Variants in UBR1 observed in about 807,000 individuals in gnomAD.
UBR1 encodes the protein E3 ubiquitin-protein ligase UBR1.
Under a neutral mutation model 242.1 loss-of-function variants are expected in UBR1, and 102 were observed. The ratio of observed to expected loss-of-function variants is 0.42; its 90% CI spans 0.36 to 0.50. The LOEUF is 0.50. Among genes scored for constraint, UBR1 ranks in the 20% least tolerant of loss-of-function variants. The pLI is 0.01. For missense variants in UBR1, 1,772 were observed against 2,101.8 expected (o/e 0.84, Z 3.07); for synonymous variants, 675 against 684.8 (o/e 0.99, Z 0.22).
intron 42 of UBR1, among the ~76,000 whole-genome samples, chr15:42,963,570 C>T (rs546042592): frequency 1.3e-5 from 2 of 152,030 alleles, no homozygotes; most frequent in Non-Finnish European, 2.9e-5. Flanking sequence ...CTGATACATG[C>T]GCTACCATGT....
chr15:43,096,510 A>G (rs1164994129), intron 1 of UBR1, among the ~76,000 whole-genome samples: 1 of 152,060 alleles, frequency 6.6e-6, no homozygotes, highest in East Asian at 1.9e-4. Context: ...ACATTGATTG[A>G]CCTTTTCACA....
Position 43,059,603 on chromosome 15 carries a change from A to C in UBR1, c.985+99T>G, listed in dbSNP as rs989878754. The stretch of plus-strand genomic sequence containing the variant: ...GTGTATAAACCAAAAAAAAAAAAAA[A>C]AGAAAAACTTTATTTCATACTCAAT... On this transcript the variant is annotated intron_variant, in intron 8 of 46. Transcript: ENST00000290650. 168 of 1,164,994 alleles carry C rather than the reference A, an allele frequency of 1.4e-4. No homozygotes were observed. In the Middle Eastern group the frequency reaches 1.5e-3, roughly 11 times the overall value. 72.2% of individuals were successfully genotyped at this position (1,164,994 alleles called of 1,614,324 possible). A position where few individuals can be genotyped will look rare whatever the true frequency, so the allele number is the denominator to read the frequency against.
chr15:43,061,578 C>A (rs937896542), intron 6 of UBR1, among the ~76,000 whole-genome samples: 3 of 151,940 alleles, frequency 2.0e-5, no homozygotes, highest in African/African-American at 7.3e-5. Flanking sequence ...TATATACACA[C>A]ACACATATAT....
At chr15:42,951,688 G>A (rs1013080987) in intron 45 of UBR1, among the ~76,000 whole-genome samples, 1 of 152,076 alleles carries the variant, frequency 6.6e-6, no homozygotes, top group African/African-American at 2.4e-5. Flanking sequence ...GAATGCAATG[G>A]CACGATCATG....
intron 25 of UBR1, among the ~76,000 whole-genome samples, chr15:43,023,428 C>T (rs1212726820): frequency 6.6e-6 from 1 of 151,430 alleles, no homozygotes; most frequent in Non-Finnish European, 1.5e-5. Context: ...CTTGTCTCTA[C>T]TAAAAATACA....
chr15:43,026,682 CA>C lies in UBR1; in HGVS notation c.2433-20del, dbSNP rs2033182182. The C allele has an allele frequency of 4.4e-6, 7 of 1,576,024 alleles. No homozygotes were observed. The highest frequency in any genetic ancestry group is 5.2e-6 in the Non-Finnish European group (6 of 1,147,182). ...TGGTTTCCTAAATAGATGGAAAATACAAGATGAACTGCAGTGTTCTTGAAGT... is the reference window on the plus strand; with the variant it reads ...TGGTTTCCTAAATAGATGGAAAATACAGATGAACTGCAGTGTTCTTGAAGT... On this transcript the variant is annotated intron_variant, in intron 22 of 46. Transcript: ENST00000290650.
chr15:43,003,895 C>T lies in UBR1; in HGVS notation c.3451G>A (p.Ala1151Thr). ...CAGCTTCCTGTATAAGTTCCATATG[C>T]CAAGTCTGGATCCATGAAAAGTGGG... is the stretch of plus-strand genomic sequence containing the variant. ...LDPLFMDPDL[A>T]YGTYTGSCGH... The change falls in exon 31 of 47, where the codon GCA becomes ACA. Residue 1151 changes from alanine (A) to threonine (T), a missense_variant. Physicochemically the swap from Ala to Thr is moderately conservative, Grantham distance 58 (BLOSUM62 0). This residue lies in a region of UBR1 where 965 missense variants were observed against 1,079.7 expected (regional missense o/e 0.89). Coordinates refer to ENST00000290650, the MANE Select transcript of UBR1 (RefSeq NM_174916.3). 2 of 1,614,066 alleles carry T rather than the reference C, an allele frequency of 1.2e-6. No individual in the cohort carries two copies. The highest frequency in any genetic ancestry group is 1.1e-5 in the South Asian group (1 of 91,076).
intron 31 of UBR1, chr15:43,003,467 G>A (rs1176715074): frequency 6.3e-6 from 2 of 319,924 alleles, no homozygotes; most frequent in Admixed American, 8.8e-5. Context: ...CGTTGGCCAG[G>A]CTGGTCTCAA....
At position 43,062,668 on chromosome 15, in the gene UBR1, G is replaced by A. The variant is rs1164360535; in HGVS notation, c.799-2554C>T. Among the ~76,000 whole-genome samples, 4 of 152,268 alleles carry A rather than the reference G, an allele frequency of 2.6e-5. No individual in the cohort carries two copies. The East Asian group carries it at 7.7e-4, about 29-fold the overall frequency. ...ACTCTGTTGTTCAGGCTGGAAGGCA[G>A]CGGTGTGATCAAAGCTCACTACAGC... is the stretch of plus-strand genomic sequence containing the variant. On this transcript the variant is annotated intron_variant, in intron 6 of 46. Coordinates refer to ENST00000290650, the MANE Select transcript of UBR1 (RefSeq NM_174916.3).
chr15:43,010,830 A>T (rs1001506948), intron 29 of UBR1, among the ~76,000 whole-genome samples: 7 of 150,754 alleles, frequency 4.6e-5, no homozygotes, highest in Admixed American at 6.6e-5. Context: ...AAAAAAAAAA[A>T]AAAAAAAAAA....
At chr15:43,028,417 G>T (rs903101724) in intron 21 of UBR1, among the ~76,000 whole-genome samples, 1 of 152,038 alleles carries the variant, frequency 6.6e-6, no homozygotes, top group African/African-American at 2.4e-5. Context: ...GATTCCTGTA[G>T]GCTTGTAAAG....
At chr15:43,048,905 T>C (rs1259624360) in intron 12 of UBR1, among the ~76,000 whole-genome samples, 2 of 152,232 alleles carry the variant, frequency 1.3e-5, no homozygotes, top group African/African-American at 4.8e-5. Context: ...CAGTTTTTCA[T>C]AACCCAGAAC....
At chr15:43,081,417 CAAAAAAAAAAA>C (rs71108197) in intron 3 of UBR1, among the ~76,000 whole-genome samples, 3 of 69,708 alleles carry the variant, frequency 4.3e-5, no homozygotes, top group East Asian at 4.0e-4. Flanking sequence ...CACCCCATCT[CAAAAAAAAAAA>C]AAAAAAAAAA....
Position 43,086,257 on chromosome 15 carries a change from T to C in UBR1, c.82-17A>G, listed in dbSNP as rs1453178959. 1 of 1,613,330 alleles carries C rather than the reference T, an allele frequency of 6.2e-7. No homozygotes were observed. Among genetic ancestry groups the C allele is most frequent in the South Asian group, 1.1e-5 (1 of 91,064 alleles). On this transcript the variant is annotated splice_polypyrimidine_tract_variant and intron_variant, in intron 1 of 46. Coordinates refer to ENST00000290650, the MANE Select transcript of UBR1 (RefSeq NM_174916.3). ...ATCCCACCACTAAAAGAAAAGAAGA[T>C]GAAAATTAGACTGACTTACAAGTTC...
intron 44 of UBR1, among the ~76,000 whole-genome samples, chr15:42,957,069 T>C (rs904392959): frequency 2.0e-5 from 3 of 152,180 alleles, no homozygotes; most frequent in African/African-American, 7.2e-5. Flanking sequence ...AACTTGTAGA[T>C]GAGTATTTTT....
intron 35 of UBR1, among the ~76,000 whole-genome samples, chr15:42,987,084 G>A (rs538465448): frequency 1.9e-4 from 29 of 152,224 alleles, no homozygotes; most frequent in Non-Finnish European, 3.4e-4. Flanking sequence ...TGCTGGGCTC[G>A]GCCCAAGATG....
In UBR1 at chr15:43,064,204, G is replaced by A. The variant is rs775730339; in HGVS notation, c.798+3694C>T. The stretch of plus-strand genomic sequence containing the variant: ...TTGATAAACTATTATTTACCCGGGG[G>A]AGGAGGTGGAGAGAAGGAAATAGAG... On this transcript the variant is annotated intron_variant, in intron 6 of 46. Transcript: ENST00000290650. Among the ~76,000 whole-genome samples the A allele has an allele frequency of 1.4e-4, 22 of 152,282 alleles. 1 individual carries two copies. In the South Asian group the frequency reaches 3.3e-3, roughly 23 times the overall value.
intron 40 of UBR1, among the ~76,000 whole-genome samples, chr15:42,966,852 G>C (rs955371270): frequency 6.6e-6 from 1 of 151,678 alleles, no homozygotes; most frequent in Non-Finnish European, 1.5e-5. Context: ...AAAACAAAGA[G>C]GCAACCAAAA....
chr15:42,971,673 T>C (rs969497969), intron 39 of UBR1, among the ~76,000 whole-genome samples: 6 of 152,184 alleles, frequency 3.9e-5, no homozygotes, highest in Non-Finnish European at 7.3e-5. Context: ...TTTTAAAAAA[T>C]GCATCATGAA....
Sources: gnomAD v4.1 joint callset for allele counts (sites outside exome capture counted in the v4.1 genomes callset) on GRCh38, gnomAD v4.1.1 for gene constraint, gnomAD v4.1.1 regional missense constraint, MANE v1.5 for transcripts, NCBI Gene and HGNC (gene_info 2026-07-23, HGNC 2026-07-21) for gene names.